The following AGBL4 variants were observed in gnomAD, a reference collection of about 807,000 sequenced individuals.
AGBL4 encodes the protein AGBL carboxypeptidase 4, also known as cytosolic carboxypeptidase 6.
Under a neutral mutation model 66.4 loss-of-function variants are expected in AGBL4, and 58 were observed. That is an observed-to-expected ratio of 0.87 (90% confidence interval 0.71 to 1.09). AGBL4 has a LOEUF of 1.09. Ranked by LOEUF, AGBL4 falls within the 50% of genes least tolerant of loss-of-function variation. AGBL4 has a pLI of 0.00. For synonymous variants in AGBL4, 234 were observed against 222.9 expected, an observed-to-expected ratio of 1.05 and a Z score of -0.44; for missense variants, 579 against 631.0, an observed-to-expected ratio of 0.92 and a Z score of 0.88.
intron 3 of AGBL4, among the ~76,000 whole-genome samples, chr1:49,260,420 TAAA>T (rs1298196900): frequency 1.3e-5 from 2 of 150,614 alleles, no homozygotes; most frequent in African/African-American, 4.9e-5. Flanking sequence ...GCAAGACTAA[TAAA>T]GAAGAAAAGA....
intron 3 of AGBL4, among the ~76,000 whole-genome samples, chr1:49,573,409 T>C (rs193211788): frequency 1.2e-3 from 178 of 152,216 alleles, no homozygotes; most frequent in African/African-American, 4.2e-3. Flanking sequence ...TTAGAGAGTA[T>C]ACAAAATAAA....
intron 3 of AGBL4, among the ~76,000 whole-genome samples, chr1:49,487,048 T>C (rs1006020272): frequency 1.3e-5 from 2 of 151,894 alleles, no homozygotes; most frequent in Non-Finnish European, 2.9e-5. Flanking sequence ...GCATAGTACC[T>C]CTCAAAACAG....
chr1:49,705,818 T>C (rs1033708713), intron 2 of AGBL4, among the ~76,000 whole-genome samples: 2 of 152,150 alleles, frequency 1.3e-5, no homozygotes, highest in Non-Finnish European at 2.9e-5. Flanking sequence ...GTTTTTGTCA[T>C]TGGTTCTGTT....
chr1:49,669,512 T>C (rs555186088), intron 3 of AGBL4, among the ~76,000 whole-genome samples: 1 of 152,250 alleles, frequency 6.6e-6, no homozygotes, highest in Admixed American at 6.5e-5. Context: ...TTATTGTATT[T>C]CTATATTAAC....
intron 3 of AGBL4, among the ~76,000 whole-genome samples, chr1:49,458,713 T>C (rs1365501244): frequency 6.6e-6 from 1 of 151,838 alleles, no homozygotes; most frequent in Non-Finnish European, 1.5e-5. Context: ...TCTTATTACC[T>C]TAAGGTATGT....
chr1:49,583,680 CA>C (rs1644590264), intron 3 of AGBL4, among the ~76,000 whole-genome samples: 1 of 152,068 alleles, frequency 6.6e-6, no homozygotes, highest in African/African-American at 2.4e-5. Context: ...ATATGGAAAA[CA>C]GCGACACATT....
chr1:49,121,175 T>C (rs1645645683), intron 4 of AGBL4, among the ~76,000 whole-genome samples: 1 of 152,176 alleles, frequency 6.6e-6, no homozygotes, highest in Non-Finnish European at 1.5e-5. Context: ...TTGGAGAAGT[T>C]TGTTATTACC....
chr1:49,670,998 T>C (rs1324635474), intron 3 of AGBL4, among the ~76,000 whole-genome samples: 1 of 152,142 alleles, frequency 6.6e-6, no homozygotes, highest in Non-Finnish European at 1.5e-5. Flanking sequence ...TTAAATTCTA[T>C]ATGGAACCAA....
At chr1:49,758,822 T>C (rs1025593321) in intron 2 of AGBL4, among the ~76,000 whole-genome samples, 6 of 152,030 alleles carry the variant, frequency 3.9e-5, no homozygotes, top group African/African-American at 1.4e-4. Flanking sequence ...AGGGGACTGT[T>C]GGGAAGGCAA....
At chr1:49,351,858 T>C (rs146296122) in intron 3 of AGBL4, among the ~76,000 whole-genome samples, 54 of 152,332 alleles carry the variant, frequency 3.5e-4, no homozygotes, top group Non-Finnish European at 4.3e-4. Flanking sequence ...GAGATATTTA[T>C]ACCAGATGGC....
intron 4 of AGBL4, among the ~76,000 whole-genome samples, chr1:49,124,134 C>T (rs545621): frequency 0.44 from 66,716 of 152,002 alleles, 16,993 homozygotes; most frequent in Non-Finnish European, 0.58. Flanking sequence ...AAAGAGTCTA[C>T]GGCAAATGAA....
chr1:49,106,186 T>C (rs888938771), intron 4 of AGBL4, among the ~76,000 whole-genome samples: 3 of 152,314 alleles, frequency 2.0e-5, no homozygotes, highest in Non-Finnish European at 1.5e-5. Flanking sequence ...TCCAGATATA[T>C]CCATAACGGG....
At chr1:48,544,298 GT>G (rs34374554) in intron 11 of AGBL4, among the ~76,000 whole-genome samples, 11,432 of 152,288 alleles carry the variant, frequency 0.075, 485 homozygotes, top group African/African-American at 0.12. Context: ...CCAAATGGTG[GT>G]TGTGTGCGCC....
chr1:48,524,593 A>C, the AGBL4 span, among the ~76,000 whole-genome samples: 1 of 152,238 alleles, frequency 6.6e-6, no homozygotes, highest in East Asian at 1.9e-4. Flanking sequence ...ACAGAATTTC[A>C]AACAGCAGCT....
intron 4 of AGBL4, among the ~76,000 whole-genome samples, chr1:49,244,494 G>T (rs933057102): frequency 6.6e-6 from 1 of 151,684 alleles, no homozygotes; most frequent in African/African-American, 2.4e-5. Context: ...GTCATCAAAT[G>T]CCTACACTTT....
At chr1:49,684,280 AC>A (rs1246396570) in intron 3 of AGBL4, among the ~76,000 whole-genome samples, 3 of 151,962 alleles carry the variant, frequency 2.0e-5, no homozygotes, top group Non-Finnish European at 4.4e-5. Context: ...TCAGCCAAAA[AC>A]CCATAGCTTT....
intron 6 of AGBL4, among the ~76,000 whole-genome samples, chr1:48,851,513 G>A (rs17104994): frequency 6.6e-6 from 1 of 152,138 alleles, no homozygotes; most frequent in East Asian, 1.9e-4. Flanking sequence ...CCTATGCACC[G>A]TCTAAGGCTG....
chr1:49,458,037 TC>T (rs1646429346), intron 3 of AGBL4, among the ~76,000 whole-genome samples: 1 of 151,324 alleles, frequency 6.6e-6, no homozygotes, highest in Non-Finnish European at 1.5e-5. Context: ...TGTTTTTGGC[TC>T]GTTTTTGGCT....
At chr1:49,053,771 G>T (rs1644262312) in intron 4 of AGBL4, among the ~76,000 whole-genome samples, 1 of 152,072 alleles carries the variant, frequency 6.6e-6, no homozygotes, top group Admixed American at 6.6e-5. Flanking sequence ...TTTTAGGAAA[G>T]TTAACTATTA....
Sources: gnomAD v4.1 joint callset for allele counts (sites outside exome capture counted in the v4.1 genomes callset) on GRCh38, gnomAD v4.1.1 for gene constraint, MANE v1.5 for transcripts, NCBI Gene and HGNC (gene_info 2026-07-23, HGNC 2026-07-21) for gene names.